The following DMD variants were observed in gnomAD, a reference collection of about 807,000 sequenced individuals.
The protein encoded by DMD is dystrophin, also known as mutant dystrophin.
In DMD, 63 loss-of-function variants were observed where a neutral mutation model predicts 330.1. The ratio of observed to expected loss-of-function variants is 0.19; its 90% CI spans 0.16 to 0.24. The LOEUF is 0.24. Among genes scored for constraint, DMD ranks in the 10% least tolerant of loss-of-function variants. The probability of loss-of-function intolerance (pLI) is 1.00; values close to 1 mark genes in which losing one functional copy is unlikely to be tolerated. For missense variants in DMD, 3,344 were observed against 2,684.1 expected, an observed-to-expected ratio of 1.25 and a Z score of -5.43; for synonymous variants, 1,223 against 959.8, an observed-to-expected ratio of 1.27 and a Z score of -5.07.
At chrX:32,496,745 C>G (rs2043528784) in intron 19 of DMD, among the ~76,000 whole-genome samples, 1 of 112,602 alleles carries the variant, frequency 8.9e-6, no homozygotes, top group Admixed American at 9.4e-5. Context: ...GGAGATTAGA[C>G]TTAAACGAAG....
intron 12 of DMD, 46 bp from the exon 13 acceptor site, chrX:32,595,922 A>G: frequency 1.9e-6 from 2 of 1,066,145 alleles, no homozygotes; most frequent in Non-Finnish European, 2.6e-6. Flanking sequence ...ATATTCTTAC[A>G]TGTGTGTTGA....
chrX:31,876,253 A>C (rs2093965532), intron 47 of DMD, among the ~76,000 whole-genome samples: 1 of 112,516 alleles, frequency 8.9e-6, no homozygotes, highest in Non-Finnish European at 1.9e-5. Flanking sequence ...TTGGGGTTGA[A>C]AAAAACATTA....
chrX:32,262,718 T>C (rs1426453265), intron 43 of DMD, among the ~76,000 whole-genome samples: 1 of 110,525 alleles, frequency 9.0e-6, no homozygotes, highest in East Asian at 2.8e-4. Context: ...TACTAACAGA[T>C]CATACCTAAG....
At chrX:32,542,895 A>G (rs1310036858) in intron 17 of DMD, among the ~76,000 whole-genome samples, 1 of 111,847 alleles carries the variant, frequency 8.9e-6, no homozygotes, top group Non-Finnish European at 1.9e-5. Flanking sequence ...GATGCTATAT[A>G]TAATTATGCT....
chrX:31,242,727 T>TGC (rs2048466545), intron 63 of DMD, among the ~76,000 whole-genome samples: 2 of 110,070 alleles, frequency 1.8e-5, no homozygotes, highest in South Asian at 7.8e-4. Flanking sequence ...TGTGTGTGTG[T>TGC]GTGTGTGTCA....
chrX:32,684,754 G>T (rs186014965), intron 9 of DMD, among the ~76,000 whole-genome samples: 16 of 110,650 alleles, frequency 1.4e-4, no homozygotes, highest in African/African-American at 5.2e-4. Context: ...GGGCTTTTTC[G>T]CTTTTGTCAT....
intron 29 of DMD, among the ~76,000 whole-genome samples, chrX:32,424,975 C>T (rs770289010): frequency 8.1e-5 from 9 of 111,221 alleles, no homozygotes; most frequent in East Asian, 2.8e-4. Flanking sequence ...AAAATCCCTT[C>T]GCTTTTGATT....
chrX:31,139,472 T>TACAC (rs201931479), intron 76 of DMD, among the ~76,000 whole-genome samples: 1,778 of 83,422 alleles, frequency 0.021, 54 homozygotes, highest in East Asian at 0.11. Flanking sequence ...GTGGTGTTTA[T>TACAC]ATACACACAC....
intron 44 of DMD, among the ~76,000 whole-genome samples, chrX:31,978,221 T>C (rs1394208279): frequency 4.5e-5 from 5 of 111,901 alleles, no homozygotes. Context: ...TTATATTCAT[T>C]ACATTATTTA....
chrX:32,400,493 C>T (rs2098078756), intron 30 of DMD, among the ~76,000 whole-genome samples: 1 of 110,391 alleles, frequency 9.1e-6, no homozygotes, highest in Admixed American at 9.6e-5. Context: ...AGGGAGGATT[C>T]CCTCTTTTTC....
At chrX:33,043,005 G>C (rs1052899033) in intron 1 of DMD, among the ~76,000 whole-genome samples, 3 of 111,438 alleles carry the variant, frequency 2.7e-5, no homozygotes, top group African/African-American at 6.5e-5. Context: ...GCTATGCACC[G>C]GACCCTGGGA....
chrX:31,147,616 T>C, intron 74 of DMD, 98 bp from the exon 75 acceptor site: 9 of 661,520 alleles, frequency 1.4e-5, no homozygotes, highest in African/African-American at 2.3e-5. Flanking sequence ...TTATATACCA[T>C]GGTAGATAGA....
chrX:32,578,793 A>C (rs2053341831), intron 13 of DMD, among the ~76,000 whole-genome samples: 1 of 111,418 alleles, frequency 9.0e-6, no homozygotes, highest in Non-Finnish European at 1.9e-5. Context: ...GGCGGAAACA[A>C]TTATGTGCCA....
At chrX:31,655,795 G>A (rs554330434) in intron 54 of DMD, among the ~76,000 whole-genome samples, 56 of 111,075 alleles carry the variant, frequency 5.0e-4, no homozygotes, top group African/African-American at 1.8e-3. Context: ...CTTGGACTTC[G>A]CAGCCTCCAG....
intron 55 of DMD, among the ~76,000 whole-genome samples, chrX:31,569,589 T>C (rs1449029050): frequency 9.8e-6 from 1 of 102,437 alleles, no homozygotes; most frequent in Non-Finnish European, 2.0e-5. Context: ...ATATAAAATA[T>C]ATATATACAC....
chrX:31,354,485 C>G (rs1569531645), intron 60 of DMD, among the ~76,000 whole-genome samples: 1 of 110,832 alleles, frequency 9.0e-6, no homozygotes, highest in Admixed American at 9.7e-5. Context: ...GCCTATAATA[C>G]TAGATTTAAA....
At chrX:32,658,401 T>G (rs1170241077) in intron 9 of DMD, among the ~76,000 whole-genome samples, 1 of 111,324 alleles carries the variant, frequency 9.0e-6, no homozygotes, top group Non-Finnish European at 1.9e-5. Context: ...TGCAGACCAC[T>G]AAAGACCAGA....
At chrX:32,501,929 C>G in intron 18 of DMD, 87 bp from the exon 19 acceptor site, 1 of 714,576 alleles carries the variant, frequency 1.4e-6, no homozygotes, top group Non-Finnish European at 2.2e-6. Context: ...CCTTTCAAGC[C>G]TTAAGATGTT....
chrX:31,925,351 A>T (rs953591876), intron 47 of DMD, among the ~76,000 whole-genome samples: 1 of 111,857 alleles, frequency 8.9e-6, no homozygotes, highest in African/African-American at 3.2e-5. Context: ...CGGTGTTCAA[A>T]AATAAAGAAT....
Sources: gnomAD v4.1 joint callset for allele counts (sites outside exome capture counted in the v4.1 genomes callset) on GRCh38, gnomAD v4.1.1 for gene constraint, MANE v1.5 for transcripts, NCBI Gene and HGNC (gene_info 2026-07-23, HGNC 2026-07-21) for gene names.